Variants in OTOF observed in about 807,000 individuals in gnomAD.
The protein encoded by OTOF is otoferlin.
OTOF carries 218 observed loss-of-function variants against 236.8 expected under a neutral mutation model. That is an observed-to-expected ratio of 0.92 (90% CI 0.82 to 1.03). The LOEUF is 1.03. Ranked by LOEUF, OTOF falls within the 50% of genes least tolerant of loss-of-function variation. The pLI is 0.00. For missense variants in OTOF, 2,590 were observed against 2,694.4 expected, an observed-to-expected ratio of 0.96 and a Z score of 0.86; for synonymous variants, 1,041 against 1,072.5, an observed-to-expected ratio of 0.97 and a Z score of 0.57.
rs1340272906 is a variant in OTOF, at chr2:26,477,564, C to G, written c.2316-58G>C. The G allele has an allele frequency of 6.3e-7, 1 of 1,595,208 alleles. No homozygotes were observed. The highest frequency in any genetic ancestry group is 8.6e-7 in the Non-Finnish European group (1 of 1,168,606). On this transcript the variant is annotated intron_variant, in intron 19 of 46. Coordinates refer to ENST00000272371, the MANE Select transcript of OTOF (RefSeq NM_194248.3). This position sits in a 1 kb window ranked among gnomAD's most constrained non-coding sequence, Gnocchi z 4.7. ...CTGACCAGCAGGGGCTCTGTAGATT[C>G]TTCCTCATCTGCCCAGCCCTGGCAG...
chr2:26,458,089 A>C lies in OTOF; in HGVS notation c.*149T>G. The C allele has an allele frequency of 6.2e-7, 1 of 1,614,178 alleles. No homozygotes were observed. Among genetic ancestry groups the C allele is most frequent in the South Asian group, 1.1e-5 (1 of 91,086 alleles). On this transcript the variant is annotated 3_prime_UTR_variant, in exon 47 of 47. Coordinates refer to ENST00000272371, the MANE Select transcript of OTOF (RefSeq NM_194248.3). ...CATGTAGCCAGGGAGGCTGTAGAGG[A>C]AGAGCCCCAACATGAGCAGCCCCAA... is the stretch of plus-strand genomic sequence containing the variant.
intron 4 of OTOF, among the ~76,000 whole-genome samples, chr2:26,517,244 T>A (rs1666556153): frequency 1.0e-5 from 1 of 96,694 alleles, no homozygotes; most frequent in Non-Finnish European, 2.2e-5. Flanking sequence ...AGCCATTACT[T>A]TCTTGCAGCT....
At chr2:26,492,426 T>G (rs1665871151) in intron 9 of OTOF, among the ~76,000 whole-genome samples, 1 of 152,166 alleles carries the variant, frequency 6.6e-6, no homozygotes, top group Admixed American at 6.5e-5. Flanking sequence ...AAAAATGTGA[T>G]CAGAAACACA....
At position 26,527,689 on chromosome 2, in the gene OTOF, T is replaced by C. The variant is rs10865425; in HGVS notation, c.227+143A>G. On this transcript the variant is annotated intron_variant, in intron 3 of 46. Coordinates refer to ENST00000272371, the MANE Select transcript of OTOF (RefSeq NM_194248.3). ...ATGGGGATCAAAGACCAGCCCAAGA[T>C]TTCTTCGGTCTTTGAAGATCAATCC... 711,881 of 723,004 alleles carry C rather than the reference T, an allele frequency of 0.98. 351,164 individuals are homozygous for C. Among genetic ancestry groups the C allele is most frequent in the East Asian group, 1 (38,436 of 38,436 alleles). The allele number at this position is 723,004 out of a possible 1,614,324, so 44.8% of individuals were successfully genotyped here. A position where few individuals can be genotyped will look rare whatever the true frequency, so the allele number is the denominator to read the frequency against.
At chr2:26,546,721 A>G (rs4470296) in intron 1 of OTOF, among the ~76,000 whole-genome samples, 40,940 of 151,326 alleles carry the variant, frequency 0.27, 7,339 homozygotes, top group East Asian at 0.7. Flanking sequence ...TTCAGTCCAT[A>G]AACATAATCT....
At chr2:26,482,277 C>G in intron 14 of OTOF, 129 bp downstream of exon 14, 1 of 899,418 alleles carries the variant, frequency 1.1e-6, no homozygotes, top group South Asian at 1.4e-5. Flanking sequence ...GCTGGCAAGG[C>G]CCTGGAAGCA....
rs752204497 is a variant in OTOF, at chr2:26,470,632, C to G, written c.3984G>C (p.Trp1328Cys). Residue 1328 changes from tryptophan (W) to cysteine (C), a missense_variant, in exon 32 of 47, where the codon TGG becomes TGC. This residue lies in a region of OTOF where 1,211 missense variants were observed against 1,352.8 expected (regional missense o/e 0.90). Coordinates refer to ENST00000272371, the MANE Select transcript of OTOF (RefSeq NM_194248.3). This position sits in a 1 kb window ranked among gnomAD's most constrained non-coding sequence, Gnocchi z 4.3. ...CAATGGAGGCAAAGTACTTGGACCA[C>G]CAGTCCAGCATGCTCTCGTCTGGCT... ...EEEPDESMLDWWSKYFASIDT... is the reference protein window; with the variant it reads ...EEEPDESMLDCWSKYFASIDT... 1 of 1,614,060 alleles carries G rather than the reference C, an allele frequency of 6.2e-7. No homozygotes were observed. Among genetic ancestry groups the G allele is most frequent in the Non-Finnish European group, 8.5e-7 (1 of 1,180,042 alleles).
chr2:26,557,109 A>G (rs1054810348), intron 1 of OTOF, among the ~76,000 whole-genome samples: 10 of 152,106 alleles, frequency 6.6e-5, no homozygotes, highest in East Asian at 1.9e-4. Flanking sequence ...GCCTGTCCCT[A>G]TGAACACAAG....
intron 11 of OTOF, among the ~76,000 whole-genome samples, chr2:26,485,598 G>A (rs763391178): frequency 2.6e-5 from 4 of 152,196 alleles, no homozygotes; most frequent in Non-Finnish European, 4.4e-5. Context: ...AAAGGGAAGC[G>A]CATCACTGTG....
chr2:26,538,969 T>C (rs1290744996), intron 1 of OTOF, among the ~76,000 whole-genome samples: 1 of 152,016 alleles, frequency 6.6e-6, no homozygotes, highest in Non-Finnish European at 1.5e-5. Context: ...GCCGCCACCA[T>C]GCCCAGCTAA....
intron 8 of OTOF, 120 bp from the exon 9 acceptor site, chr2:26,495,193 C>T (rs1665952295): frequency 2.1e-6 from 2 of 948,182 alleles, no homozygotes; most frequent in African/African-American, 1.6e-5. Context: ...CCAGCACTGG[C>T]CTCCTGGGCT....
rs886038757 is a variant in OTOF at position 26,476,306 on chromosome 2, C to T, written c.2688G>A (p.Lys896=). Residue 896 remains lysine (K), a synonymous_variant, in exon 23 of 47, where the codon AAG becomes AAA. Coordinates refer to ENST00000272371, the MANE Select transcript of OTOF (RefSeq NM_194248.3). ...TCCAGCCTGCCGAGCCGAAGCCCCG[C>T]TTCCCTGGCAGCTGGGGGTGGGCAT... is the stretch of plus-strand genomic sequence containing the variant. ...VKTLFLKLPG[K]RGFGSAGWTV... The T allele has an allele frequency of 3.2e-5, 51 of 1,603,984 alleles. No homozygotes were observed. Among genetic ancestry groups the T allele is most frequent in the Middle Eastern group, 1.9e-4 (1 of 5,310 alleles).
In OTOF at chr2:26,554,505, C is replaced by A. The variant is rs189235558; in HGVS notation, c.79+3988G>T. On this transcript the variant is annotated intron_variant, in intron 1 of 46. Coordinates refer to ENST00000272371, the MANE Select transcript of OTOF (RefSeq NM_194248.3). The stretch of plus-strand genomic sequence containing the variant: ...TGGCCAGTTTCTGAAATGCAATGTA[C>A]CTTGGCAGAGCAGTAGGAAGAATGT... Among the ~76,000 whole-genome samples, 237 of 145,726 alleles carry A rather than the reference C, an allele frequency of 1.6e-3. 5 individuals are homozygous for A. Among genetic ancestry groups the A allele is most frequent in the Admixed American group, 0.015 (230 of 15,060 alleles).
chr2:26,475,765 G>A, intron 24 of OTOF, 149 bp downstream of exon 24: 1 of 1,058,808 alleles, frequency 9.4e-7, no homozygotes, highest in Non-Finnish European at 1.4e-6. Context: ...GCAGTTATCT[G>A]CAGGGCTTCC....
chr2:26,513,315 G>A (rs535854922), intron 5 of OTOF, among the ~76,000 whole-genome samples: 1 of 152,330 alleles, frequency 6.6e-6, no homozygotes, highest in African/African-American at 2.4e-5. Context: ...GAATGTGGGT[G>A]AAGTCCCAGA....
rs991631019 is a variant in OTOF, at chr2:26,525,860, G to A, written c.227+1972C>T. 3.9e-5 allele frequency among the ~76,000 whole-genome samples: 6 copies of A among 152,144 alleles called. No homozygotes were observed. The East Asian group carries it at 1.2e-3, about 29-fold the overall frequency. ...CCAGCACTTTGGGAGGCCGAGGAGG[G>A]TAGATCACTTGAGGTCAGGAGTTCG... On this transcript the variant is annotated intron_variant, in intron 3 of 46. Transcript: ENST00000272371.
intron 1 of OTOF, among the ~76,000 whole-genome samples, chr2:26,540,362 G>T (rs952570948): frequency 6.6e-6 from 1 of 152,208 alleles, no homozygotes; most frequent in Non-Finnish European, 1.5e-5. Context: ...TGGGTGGAGC[G>T]GACTGTGCTC....
intron 13 of OTOF, among the ~76,000 whole-genome samples, chr2:26,483,216 C>T (rs897583990): frequency 9.2e-5 from 14 of 151,940 alleles, no homozygotes; most frequent in African/African-American, 2.9e-4. Context: ...TGTGTGTGTG[C>T]GTGCCTGTGT....
intron 1 of OTOF, among the ~76,000 whole-genome samples, chr2:26,541,844 C>T (rs1667218586): frequency 6.6e-6 from 1 of 152,190 alleles, no homozygotes; most frequent in South Asian, 2.1e-4. Context: ...CATGGAAAGG[C>T]TGTTGTGGAT....
Sources: allele counts gnomAD v4.1 joint callset (sites outside exome capture counted in the v4.1 genomes callset), GRCh38; gene constraint gnomAD v4.1.1; regional missense constraint gnomAD v4.1.1; non-coding constraint Gnocchi (gnomAD v3.1); transcripts MANE v1.5; gene names NCBI Gene and HGNC (gene_info 2026-07-23, HGNC 2026-07-21).